The following NFYC variants were observed in gnomAD, a reference collection of about 807,000 sequenced individuals.
The protein encoded by NFYC is CAAT box DNA-binding protein subunit C.
Under a neutral mutation model 53.1 loss-of-function variants are expected in NFYC, and 25 were observed. The ratio of observed to expected loss-of-function variants is 0.47; its 90% CI spans 0.34 to 0.66. The LOEUF (loss-of-function observed/expected upper bound fraction) is 0.66. Among genes scored for constraint, NFYC ranks in the 30% least tolerant of loss-of-function variants. NFYC has a pLI of 0.01. For missense variants in NFYC, 260 were observed against 422.7 expected (o/e 0.62, Z 3.38); for synonymous variants, 145 against 152.6 (o/e 0.95, Z 0.37).
chr1:40,739,882 A>G (rs1048242703), intron 2 of NFYC, among the ~76,000 whole-genome samples: 12 of 152,178 alleles, frequency 7.9e-5, no homozygotes, highest in Non-Finnish European at 1.6e-4. Flanking sequence ...GGGCAAAGAC[A>G]AGGGCATGCA....
chr1:40,712,323 C>A (rs902153038), intron 1 of NFYC: 2 of 152,104 alleles, frequency 1.3e-5, no homozygotes, highest in Non-Finnish European at 2.9e-5. Flanking sequence ...AGAATTTTAA[C>A]CCCTTTGTCA....
At chr1:40,759,893 G>A (rs746300591) in intron 6 of NFYC, among the ~76,000 whole-genome samples, 4 of 152,054 alleles carry the variant, frequency 2.6e-5, no homozygotes, top group Non-Finnish European at 5.9e-5. Flanking sequence ...GGACAGCCTC[G>A]TATATTCTAA....
intron 2 of NFYC, among the ~76,000 whole-genome samples, chr1:40,746,876 G>C (rs746865803): frequency 1.3e-3 from 195 of 152,274 alleles, no homozygotes; most frequent in Non-Finnish European, 2.2e-3. Flanking sequence ...TAACACAGCT[G>C]TTCCTAAAAG....
chr1:40,717,478 G>A (rs1033824018), intron 1 of NFYC, among the ~76,000 whole-genome samples: 2 of 152,074 alleles, frequency 1.3e-5, no homozygotes, highest in Non-Finnish European at 2.9e-5. Context: ...CATCTTCCTC[G>A]CAGTCCTTGG....
chr1:40,758,440 T>G (rs1481980148), intron 6 of NFYC, 146 bp downstream of exon 6: 2 of 887,104 alleles, frequency 2.3e-6, no homozygotes, highest in Admixed American at 3.1e-5. Context: ...TTCCCCAGAT[T>G]CAGCTACTGG....
chr1:40,757,788 G>A (rs778962812), intron 5 of NFYC, among the ~76,000 whole-genome samples: 1 of 152,212 alleles, frequency 6.6e-6, no homozygotes, highest in Non-Finnish European at 1.5e-5. Flanking sequence ...TCAGATCACA[G>A]GCCTTGACAG....
Position 40,770,262 on chromosome 1 carries a change from G to A in NFYC, c.889-447G>A, listed in dbSNP as rs770335296. On this transcript the variant is annotated intron_variant, in intron 9 of 9. Coordinates refer to ENST00000447388, the MANE Select transcript of NFYC (RefSeq NM_014223.5). This position sits in a 1 kb window ranked among gnomAD's most constrained non-coding sequence, Gnocchi z 5.3. ...CAAATTCAGTTTAGTTTCAACCTGA[G>A]CCAGATATTCTGAGAAAAGAAGGAG... 2.3e-6 allele frequency: 2 copies of A among 885,906 alleles called. No homozygotes were observed. Among genetic ancestry groups the A allele is most frequent in the South Asian group, 1.8e-5 (1 of 56,574 alleles). The allele number at this position is 885,906 out of a possible 1,614,324, so 54.9% of individuals were successfully genotyped here. A position where few individuals can be genotyped will look rare whatever the true frequency, so the allele number is the denominator to read the frequency against.
At chr1:40,739,505 C>T (rs180677290) in intron 2 of NFYC, among the ~76,000 whole-genome samples, 55 of 152,268 alleles carry the variant, frequency 3.6e-4, no homozygotes, top group African/African-American at 1.3e-3. Context: ...CACCCCTAGC[C>T]TCTACTCACT....
At chr1:40,760,651 C>A (rs4660174) in intron 6 of NFYC, among the ~76,000 whole-genome samples, 155 of 150,852 alleles carry the variant, frequency 1.0e-3, no homozygotes, top group Admixed American at 8.7e-3. Flanking sequence ...ACCTGGGAGG[C>A]GGATGTTGCA....
intron 4 of NFYC, among the ~76,000 whole-genome samples, chr1:40,751,290 C>T (rs1645899792): frequency 6.6e-6 from 1 of 152,152 alleles, no homozygotes; most frequent in Non-Finnish European, 1.5e-5. Context: ...TTACATAGTG[C>T]ATGATACAAT....
chr1:40,706,679 G>T (rs1379235959), intron 1 of NFYC, among the ~76,000 whole-genome samples: 1 of 152,064 alleles, frequency 6.6e-6, no homozygotes, highest in Non-Finnish European at 1.5e-5. Flanking sequence ...GAAAAGAAAA[G>T]AAAAACATGC....
chr1:40,751,696 GAAGACCAA>G (rs1341788559), intron 4 of NFYC, among the ~76,000 whole-genome samples: 1 of 152,122 alleles, frequency 6.6e-6, no homozygotes, highest in Non-Finnish European at 1.5e-5. Context: ...AAAATTTTAG[GAAGACCAA>G]CTTAAGTATA....
chr1:40,763,098 A>C (rs369918403), intron 7 of NFYC, 52 bp downstream of exon 7: 411 of 1,434,540 alleles, frequency 2.9e-4, no homozygotes, highest in Non-Finnish European at 2.7e-4. Flanking sequence ...GGAAATACTT[A>C]AAGATATATA....
Position 40,766,598 on chromosome 1 carries a change from G to A in NFYC, c.723G>A (p.Val241=). The change falls in exon 8 of 10, where the codon GTG becomes GTA. Residue 241 remains valine (V), a splice_region_variant and synonymous_variant. Coordinates refer to ENST00000447388, the MANE Select transcript of NFYC (RefSeq NM_014223.5). ...TNTGEIQQIP[V]QLNAGQLQYI... The stretch of plus-strand genomic sequence containing the variant: ...CTTTGTCTCTGCCCCTGCCCTAGGT[G>A]CAGCTGAATGCCGGCCAGCTGCAGT... The A allele has an allele frequency of 2.5e-6, 4 of 1,613,278 alleles. No homozygotes were observed. Among genetic ancestry groups the A allele is most frequent in the Non-Finnish European group, 3.4e-6 (4 of 1,179,380 alleles).
chr1:40,760,522 C>T (rs1646484599), intron 6 of NFYC, among the ~76,000 whole-genome samples: 1 of 152,116 alleles, frequency 6.6e-6, no homozygotes, highest in African/African-American at 2.4e-5. Context: ...AGTTCAAGAC[C>T]AGCCTGGCCA....
intron 2 of NFYC, among the ~76,000 whole-genome samples, chr1:40,740,168 A>G (rs1645264184): frequency 6.6e-6 from 1 of 152,228 alleles, no homozygotes; most frequent in African/African-American, 2.4e-5. Flanking sequence ...AAATACTAGC[A>G]TCCTGGCAGA....
chr1:40,756,274 G>C (rs1435969332), intron 5 of NFYC, among the ~76,000 whole-genome samples: 2 of 152,172 alleles, frequency 1.3e-5, no homozygotes, highest in Non-Finnish European at 2.9e-5. Context: ...TATTTATAAT[G>C]ATGATAAGTT....
Position 40,753,256 on chromosome 1 carries a change from G to T in NFYC, c.387+10G>T. 6 of 1,603,442 alleles carry T rather than the reference G, an allele frequency of 3.7e-6. No individual in the cohort carries two copies. The highest frequency in any genetic ancestry group is 5.1e-6 in the Non-Finnish European group (6 of 1,170,412). The stretch of plus-strand genomic sequence containing the variant: ...ACCTCCAAAGCGTCAGGTGAGCTGT[G>T]AAGGGATTGCAGTTGCTGCTGACTG... On this transcript the variant is annotated intron_variant, in intron 5 of 9. Coordinates refer to ENST00000447388, the MANE Select transcript of NFYC (RefSeq NM_014223.5).
chr1:40,767,002 T>C, intron 8 of NFYC: 4 of 1,549,050 alleles, frequency 2.6e-6, no homozygotes, highest in Non-Finnish European at 3.5e-6. Context: ...ACCTGGGAAA[T>C]GTTCGACAGA....
Sources: allele counts gnomAD v4.1 joint callset (sites outside exome capture counted in the v4.1 genomes callset), GRCh38; gene constraint gnomAD v4.1.1; non-coding constraint Gnocchi (gnomAD v3.1); transcripts MANE v1.5; gene names NCBI Gene and HGNC (gene_info 2026-07-23, HGNC 2026-07-21).